The following AXL variants were observed in gnomAD, a reference collection of about 807,000 sequenced individuals.
AXL encodes the protein AXL receptor tyrosine kinase, also known as tyrosine-protein kinase receptor UFO.
Under a neutral mutation model 104.5 loss-of-function variants are expected in AXL, and 52 were observed. The ratio of observed to expected loss-of-function variants is 0.50; its 90% CI spans 0.40 to 0.63. The LOEUF (loss-of-function observed/expected upper bound fraction) is 0.63, where lower values mean the gene tolerates loss of function less well. Ranked by LOEUF, AXL falls within the 20% of genes least tolerant of loss-of-function variation. The pLI, the probability that AXL is intolerant of heterozygous loss-of-function variation, is 0.00. For missense variants in AXL, 1,024 were observed against 1,188.5 expected, an observed-to-expected ratio of 0.86 and a Z score of 2.04; for synonymous variants, 455 against 473.7, an observed-to-expected ratio of 0.96 and a Z score of 0.51.
chr19:41,236,685 A>G (rs142816084), intron 6 of AXL, among the ~76,000 whole-genome samples: 3,960 of 151,586 alleles, frequency 0.026, 182 homozygotes, highest in African/African-American at 0.091. Flanking sequence ...GCTGAGGCAG[A>G]AGAATTGCTT....
rs1196720126 is a variant in AXL, at chr19:41,248,614, G to A, written c.1633+5G>A. The A allele has an allele frequency of 1.2e-6, 2 of 1,613,990 alleles. No individual in the cohort carries two copies. Among genetic ancestry groups the A allele is most frequent in the Non-Finnish European group, 1.7e-6 (2 of 1,179,906 alleles). On this transcript the variant is annotated splice_donor_5th_base_variant and intron_variant, in intron 13 of 19. Transcript: ENST00000301178. ...TGGGGAAGACTCTGGGAGAGGGTGA[G>A]TCCCCCGGCAGCATACACACATCCT...
At chr19:41,256,704 C>G in intron 18 of AXL, 93 bp downstream of exon 18, 4 of 1,526,568 alleles carry the variant, frequency 2.6e-6, no homozygotes, top group South Asian at 2.4e-5. Context: ...GCAAGGGTCA[C>G]AGGGACATGT....
At chr19:41,226,489 C>T (rs1250461423) in intron 4 of AXL, among the ~76,000 whole-genome samples, 1 of 152,220 alleles carries the variant, frequency 6.6e-6, no homozygotes, top group African/African-American at 2.4e-5. Context: ...CCTAGGAAGC[C>T]GCGACTGAGG....
chr19:41,239,122 G>A (rs2034134777), intron 8 of AXL, 42 bp from the exon 9 acceptor site: 1 of 1,608,670 alleles, frequency 6.2e-7, no homozygotes, highest in Admixed American at 1.7e-5. Context: ...TTAACAGCTG[G>A]GGGGTAAGGT....
intron 6 of AXL, among the ~76,000 whole-genome samples, chr19:41,237,592 C>G (rs549864609): frequency 6.6e-6 from 1 of 152,144 alleles, no homozygotes; most frequent in Non-Finnish European, 1.5e-5. Context: ...GCTGACCACC[C>G]GCCATGCACT....
chr19:41,240,870 C>A (rs897919494), intron 10 of AXL, among the ~76,000 whole-genome samples: 6 of 152,104 alleles, frequency 3.9e-5, no homozygotes, highest in African/African-American at 1.2e-4. Flanking sequence ...TTACTGCACA[C>A]TCCATAGACA....
At chr19:41,256,896 A>G (rs2034461352) in intron 18 of AXL, among the ~76,000 whole-genome samples, 1 of 152,196 alleles carries the variant, frequency 6.6e-6, no homozygotes, top group East Asian at 1.9e-4. Flanking sequence ...GCGCACACTC[A>G]TAGAATGTGG....
In AXL at chr19:41,221,016, TTAATAA is replaced by T. The variant is rs995130461; in HGVS notation, c.309-127_309-122del. The T allele has an allele frequency of 5.2e-6, 6 of 1,157,628 alleles. No individual in the cohort carries two copies. In the Admixed American group the frequency reaches 1.2e-4, roughly 24 times the overall value. The allele number at this position is 1,157,628 out of a possible 1,614,324, so 71.7% of individuals were successfully genotyped here. A position where few individuals can be genotyped will look rare whatever the true frequency, so the allele number is the denominator to read the frequency against. Reference sequence around the variant, plus strand: ...TCGTTTTCCTCTTCTGCAAAATGAGTTAATAATAGGACATACTTCGTGGTTGTCATG... The same window carrying T: ...TCGTTTTCCTCTTCTGCAAAATGAGTTAGGACATACTTCGTGGTTGTCATG... On this transcript the variant is annotated intron_variant, in intron 2 of 19. Coordinates refer to ENST00000301178, the MANE Select transcript of AXL (RefSeq NM_021913.5).
intron 2 of AXL, 50 bp downstream of exon 2, chr19:41,220,908 G>T (rs773804706): frequency 1.3e-6 from 2 of 1,588,296 alleles, no homozygotes; most frequent in African/African-American, 1.3e-5. Context: ...CACACAGAGG[G>T]CAGAAAGCCC....
At position 41,239,333 on chromosome 19, in the gene AXL, C is replaced by T. The variant is rs1303059902; in HGVS notation, c.1285+19C>T. The T allele has an allele frequency of 1.3e-6, 2 of 1,549,892 alleles. No homozygotes were observed. Among genetic ancestry groups the T allele is most frequent in the Non-Finnish European group, 1.7e-6 (2 of 1,151,384 alleles). On this transcript the variant is annotated intron_variant, in intron 9 of 19. Transcript: ENST00000301178. ...CGCCCAGGTAAGTCCAAAGCCATGC[C>T]CAACCTGCTTCAACCCTGTCTCTCC... is the stretch of plus-strand genomic sequence containing the variant.
chr19:41,223,663 T>G (rs1229876630), intron 4 of AXL, among the ~76,000 whole-genome samples: 1 of 152,030 alleles, frequency 6.6e-6, no homozygotes, highest in Non-Finnish European at 1.5e-5. Context: ...GACCCTGAGT[T>G]GCAAGGAAGA....
At chr19:41,228,927 T>A (rs948833822) in intron 4 of AXL, among the ~76,000 whole-genome samples, 2 of 149,242 alleles carry the variant, frequency 1.3e-5, no homozygotes, top group African/African-American at 5.0e-5. Flanking sequence ...TTGTATTTTT[T>A]CTTTCTTTCT....
intron 9 of AXL, 52 bp downstream of exon 9, chr19:41,239,366 C>T: frequency 6.5e-7 from 1 of 1,534,114 alleles, no homozygotes; most frequent in Non-Finnish European, 8.7e-7. Context: ...TCCCTGACAG[C>T]CCTGACTTAC....
At chr19:41,247,018 T>A (rs1437968378) in intron 12 of AXL, among the ~76,000 whole-genome samples, 1 of 140,206 alleles carries the variant, frequency 7.1e-6, no homozygotes, top group South Asian at 2.2e-4. Flanking sequence ...ACTCAACAAC[T>A]AAATTAAAAC....
intron 1 of AXL, 131 bp from the exon 2 acceptor site, chr19:41,220,505 A>G: frequency 1.4e-6 from 1 of 727,302 alleles, no homozygotes; most frequent in Non-Finnish European, 2.3e-6. Flanking sequence ...CTCTGAGGTC[A>G]CTCTGCAACT....
At chr19:41,237,119 C>T (rs1055486703) in intron 6 of AXL, among the ~76,000 whole-genome samples, 1 of 152,202 alleles carries the variant, frequency 6.6e-6, no homozygotes, top group African/African-American at 2.4e-5. Flanking sequence ...ACAGACCCTT[C>T]CAGTCCCCAA....
At chr19:41,246,215 A>C (rs1568415758) in intron 12 of AXL, among the ~76,000 whole-genome samples, 1 of 152,110 alleles carries the variant, frequency 6.6e-6, no homozygotes, top group South Asian at 2.1e-4. Context: ...TGGGAGGCCA[A>C]GGTGGGCAAA....
At chr19:41,237,399 C>T (rs1465446198) in intron 6 of AXL, among the ~76,000 whole-genome samples, 6 of 152,108 alleles carry the variant, frequency 3.9e-5, no homozygotes, top group Admixed American at 2.0e-4. Flanking sequence ...AGCGCCACCA[C>T]ATCCAGCTAA....
At chr19:41,243,156 C>T (rs1417981662) in intron 11 of AXL, 141 bp downstream of exon 11, 41 of 1,242,610 alleles carry the variant, frequency 3.3e-5, no homozygotes, top group African/African-American at 6.0e-5. Flanking sequence ...TGGTGGCTCA[C>T]GCCTGTAATC....
Sources: gnomAD v4.1 joint callset for allele counts (sites outside exome capture counted in the v4.1 genomes callset) on GRCh38, gnomAD v4.1.1 for gene constraint, MANE v1.5 for transcripts, NCBI Gene and HGNC (gene_info 2026-07-23, HGNC 2026-07-21) for gene names.